The following SMYD3 variants were observed in gnomAD, a reference collection of about 807,000 sequenced individuals.
SMYD3 encodes the protein histone-lysine N-methyltransferase SMYD3.
A neutral mutation model predicts 57.7 loss-of-function variants in SMYD3; 36 were observed. That is an observed-to-expected ratio of 0.62 (90% CI 0.48 to 0.82). SMYD3 has a LOEUF of 0.82. Among genes scored for constraint, SMYD3 ranks in the 40% least tolerant of loss-of-function variants. The pLI is 0.00. For missense variants in SMYD3, 515 were observed against 538.8 expected (o/e 0.96, Z 0.44); for synonymous variants, 211 against 195.0 (o/e 1.08, Z -0.68).
At chr1:246,008,370 A>G (rs2059214707) in intron 5 of SMYD3, among the ~76,000 whole-genome samples, 1 of 152,214 alleles carries the variant, frequency 6.6e-6, no homozygotes, top group South Asian at 2.1e-4. Context: ...GACGTAAATA[A>G]GAAATAAAGG....
At chr1:246,413,113 T>A (rs903691875) in intron 1 of SMYD3, among the ~76,000 whole-genome samples, 1 of 152,240 alleles carries the variant, frequency 6.6e-6, no homozygotes, top group East Asian at 1.9e-4. Flanking sequence ...ATGCTACCAC[T>A]CTACAGTAAT....
At chr1:246,451,089 G>C (rs2067626681) in intron 1 of SMYD3, among the ~76,000 whole-genome samples, 1 of 152,162 alleles carries the variant, frequency 6.6e-6, no homozygotes, top group Non-Finnish European at 1.5e-5. Context: ...ATTATGCCAG[G>C]CTCCAGAAGG....
chr1:246,415,013 G>T (rs564551877), intron 1 of SMYD3, among the ~76,000 whole-genome samples: 1 of 152,110 alleles, frequency 6.6e-6, no homozygotes, highest in African/African-American at 2.4e-5. Flanking sequence ...CACCGCGCCC[G>T]GCTGGAGCCA....
intron 5 of SMYD3, among the ~76,000 whole-genome samples, chr1:246,205,476 C>T (rs2062985284): frequency 1.3e-5 from 2 of 152,344 alleles, no homozygotes; most frequent in South Asian, 4.1e-4. Flanking sequence ...TCATACATCT[C>T]TGCTTTTGTT....
At chr1:245,969,621 G>GA (rs765124543) in intron 5 of SMYD3, among the ~76,000 whole-genome samples, 1 of 152,214 alleles carries the variant, frequency 6.6e-6, no homozygotes, top group Non-Finnish European at 1.5e-5. Context: ...ACCAAGGGGG[G>GA]AAAGGCCAGG....
At chr1:246,451,901 T>A (rs1558471408) in intron 1 of SMYD3, among the ~76,000 whole-genome samples, 1 of 152,196 alleles carries the variant, frequency 6.6e-6, no homozygotes, top group Non-Finnish European at 1.5e-5. Flanking sequence ...ACTGTTTTTT[T>A]AAATGCCTAC....
intron 1 of SMYD3, among the ~76,000 whole-genome samples, chr1:246,399,944 G>A (rs6696974): frequency 0.99 from 151,258 of 152,348 alleles, 75,099 homozygotes; most frequent in East Asian, 1. Context: ...CTGTATCCAC[G>A]TCCTCAAAAC....
At chr1:245,917,750 C>T (rs2055548720) in intron 7 of SMYD3, among the ~76,000 whole-genome samples, 1 of 152,230 alleles carries the variant, frequency 6.6e-6, no homozygotes, top group East Asian at 1.9e-4. Flanking sequence ...GAAATTACTT[C>T]TTTGCTTTTA....
At chr1:246,278,950 T>C (rs981108489) in intron 5 of SMYD3, among the ~76,000 whole-genome samples, 2 of 152,192 alleles carry the variant, frequency 1.3e-5, no homozygotes, top group Non-Finnish European at 2.9e-5. Context: ...GTCAGGATCA[T>C]GCAGCAACTT....
At chr1:245,831,122 C>T (rs1335648736) in intron 10 of SMYD3, among the ~76,000 whole-genome samples, 2 of 152,200 alleles carry the variant, frequency 1.3e-5, no homozygotes, top group Non-Finnish European at 2.9e-5. Flanking sequence ...GTGTGAATGA[C>T]AGATTCCCCA....
chr1:246,144,926 A>G (rs952730094), intron 5 of SMYD3, among the ~76,000 whole-genome samples: 1 of 152,226 alleles, frequency 6.6e-6, no homozygotes, highest in African/African-American at 2.4e-5. Flanking sequence ...ATAGCAAAAA[A>G]CTTCCAGAAA....
intron 10 of SMYD3, among the ~76,000 whole-genome samples, chr1:245,765,221 A>C (rs2046030812): frequency 8.4e-6 from 1 of 119,712 alleles, no homozygotes; most frequent in Non-Finnish European, 1.7e-5. Flanking sequence ...CCCTTTCTCT[A>C]TTAAAAAAAA....
chr1:245,920,299 CG>C (rs2055814757), intron 7 of SMYD3, among the ~76,000 whole-genome samples: 2 of 118,192 alleles, frequency 1.7e-5, no homozygotes, highest in South Asian at 5.8e-4. Context: ...GGCGACAGAG[CG>C]AGACTCCGTC....
chr1:246,287,348 A>AT (rs2064589949), intron 5 of SMYD3, among the ~76,000 whole-genome samples: 1 of 152,234 alleles, frequency 6.6e-6, no homozygotes, highest in Non-Finnish European at 1.5e-5. Context: ...CAGTTTCATT[A>AT]CAAATTTAAA....
At chr1:245,983,998 C>CTTTTTT (rs534310953) in intron 5 of SMYD3, among the ~76,000 whole-genome samples, 2 of 134,466 alleles carry the variant, frequency 1.5e-5, no homozygotes, top group East Asian at 2.2e-4. Flanking sequence ...CAAGTCTACT[C>CTTTTTT]TTTTTTTTTT....
chr1:246,353,867 A>C (rs948923304), intron 2 of SMYD3, among the ~76,000 whole-genome samples: 3 of 152,258 alleles, frequency 2.0e-5, no homozygotes, highest in African/African-American at 7.2e-5. Flanking sequence ...ACAGATTCAG[A>C]AACTGAGGCC....
chr1:246,116,765 C>G (rs961989758), intron 5 of SMYD3, among the ~76,000 whole-genome samples: 1 of 152,152 alleles, frequency 6.6e-6, no homozygotes, highest in Non-Finnish European at 1.5e-5. Flanking sequence ...AATAGTATTG[C>G]TTTAATTAAT....
At position 246,448,704 on chromosome 1, in the gene SMYD3, TAAAAAAAAAAAAAA is replaced by T. The variant is rs1553349829; in HGVS notation, c.164+58336_164+58349del. Among the ~76,000 whole-genome samples, 179 of 81,448 alleles carry T rather than the reference TAAAAAAAAAAAAAA, an allele frequency of 2.2e-3. 1 individual carries two copies. The highest frequency in any genetic ancestry group is 3.0e-3 in the Non-Finnish European group (134 of 44,314). The allele number at this position is 81,448 out of a possible 152,430, so 53.4% of individuals were successfully genotyped here. A position where few individuals can be genotyped will look rare whatever the true frequency, so the allele number is the denominator to read the frequency against. On this transcript the variant is annotated intron_variant, in intron 1 of 11. Transcript: ENST00000490107. ...ACAGCAAGATCTCATCTCTTTTTTT[TAAAAAAAAAAAAAA>T]AAAAAAAAAAGGACAAAATGGCCAG...
chr1:246,346,141 G>T (rs890726657), intron 2 of SMYD3, among the ~76,000 whole-genome samples: 3 of 152,036 alleles, frequency 2.0e-5, no homozygotes, highest in African/African-American at 7.2e-5. Context: ...AAAATTAGCC[G>T]GGCGTGGTGG....
Sources: allele counts gnomAD v4.1 joint callset (sites outside exome capture counted in the v4.1 genomes callset), GRCh38; gene constraint gnomAD v4.1.1; transcripts MANE v1.5; gene names NCBI Gene and HGNC (gene_info 2026-07-23, HGNC 2026-07-21).